Variants in MCM10 observed in about 807,000 individuals in gnomAD.
MCM10 encodes minichromosome maintenance 10 replication initiation factor.
In MCM10, 91 loss-of-function variants were observed where a neutral mutation model predicts 109.9. That is an observed-to-expected ratio of 0.83 (90% CI 0.70 to 0.99). The LOEUF is 0.99. MCM10 is among the 50% of genes least tolerant of loss of function. The probability of loss-of-function intolerance (pLI) is 0.00; values close to 1 mark genes in which losing one functional copy is unlikely to be tolerated. For synonymous variants in MCM10, 380 were observed against 387.2 expected, an observed-to-expected ratio of 0.98 and a Z score of 0.22; for missense variants, 1,077 against 1,061.2, an observed-to-expected ratio of 1.01 and a Z score of -0.21.
At chr10:13,175,171 C>T (rs556901393) in intron 5 of MCM10, among the ~76,000 whole-genome samples, 6 of 151,406 alleles carry the variant, frequency 4.0e-5, no homozygotes, top group South Asian at 2.1e-4. Flanking sequence ...CAATGTCTCA[C>T]GCCTGTAATC....
In MCM10 at chr10:13,171,101, G is replaced by A. The variant is rs1834066022; in HGVS notation, c.187G>A (p.Glu63Lys). 1 of 1,614,224 alleles carries A rather than the reference G, an allele frequency of 6.2e-7. No homozygotes were observed. The highest frequency in any genetic ancestry group is 8.5e-7 in the Non-Finnish European group (1 of 1,180,040). ...ESYTEEADDG[E>K]TGETRDEKEN... ...TTATACAGAAGAGGCTGATGATGGA[G>A]AAACAGGAGAGACAAGAGACGAAAA... The change falls in exon 3 of 20, where the codon GAA becomes AAA. Residue 63 changes from glutamate (E) to lysine (K), a missense_variant. Transcript: ENST00000378714.
chr10:13,180,286 A>G (rs1834193570), intron 6 of MCM10, among the ~76,000 whole-genome samples, 156 bp from the exon 7 acceptor site: 1 of 151,850 alleles, frequency 6.6e-6, no homozygotes, highest in Non-Finnish European at 1.5e-5. Context: ...TTTATTTGCT[A>G]TAAAAATGGA....
At chr10:13,204,582 A>G (rs1588480786) in intron 18 of MCM10, 1 of 498,454 alleles carries the variant, frequency 2.0e-6, no homozygotes, top group East Asian at 3.2e-5. Flanking sequence ...TGCCTGGCCC[A>G]TAAGGGGTCC....
In MCM10 at chr10:13,170,931, A is replaced by G; in HGVS notation, c.17A>G (p.Asp6Gly). The part of the protein sequence containing the change: MDEEE[D>G]NLSLLTALLE... ...TCTTCTTTTCCCCTAGAGGAGGAAGACAATCTGTCTCTGCTGACCGCACTG... is the reference window on the plus strand; with the variant it reads ...TCTTCTTTTCCCCTAGAGGAGGAAGGCAATCTGTCTCTGCTGACCGCACTG... The change falls in exon 3 of 20, where the codon GAC becomes GGC. Residue 6 changes from aspartate to glycine, a missense_variant. Transcript: ENST00000378714. The G allele has an allele frequency of 3.1e-6, 5 of 1,612,440 alleles. No homozygotes were observed. In the South Asian group the frequency reaches 5.5e-5, roughly 18 times the overall value.
At chr10:13,171,736 G>C (rs1412398406) in intron 3 of MCM10, among the ~76,000 whole-genome samples, 1 of 151,684 alleles carries the variant, frequency 6.6e-6, no homozygotes, top group African/African-American at 2.4e-5. Context: ...TATTATATTA[G>C]TTATGATATC....
chr10:13,194,993 T>A, intron 13 of MCM10, 48 bp from the exon 14 acceptor site: 2 of 1,564,246 alleles, frequency 1.3e-6, no homozygotes, highest in Middle Eastern at 1.7e-4. Context: ...CTAGAGTTTT[T>A]ATTTTCGTAA....
At chr10:13,192,843 G>T (rs1174381235) in intron 13 of MCM10, among the ~76,000 whole-genome samples, 4 of 152,032 alleles carry the variant, frequency 2.6e-5, no homozygotes, top group Non-Finnish European at 5.9e-5. Context: ...TTTTGTGAAG[G>T]GGGAGAGCGT....
intron 16 of MCM10, among the ~76,000 whole-genome samples, chr10:13,199,219 A>G (rs184403696): frequency 4.6e-5 from 7 of 152,368 alleles, no homozygotes; most frequent in Admixed American, 2.6e-4. Flanking sequence ...TGTTTTTTAC[A>G]TAAATCTAAA....
At chr10:13,197,121 C>T (rs1395085814) in intron 14 of MCM10, among the ~76,000 whole-genome samples, 1 of 152,054 alleles carries the variant, frequency 6.6e-6, no homozygotes, top group South Asian at 2.1e-4. Flanking sequence ...TGAAGTCTCA[C>T]TGTGTTGCTC....
At position 13,172,841 on chromosome 10, in the gene MCM10, G is replaced by A. The variant is rs1466609308; in HGVS notation, c.592+76G>A. ...GTGTGGGGGTGTTCATGTGTGTGTG[G>A]GTGTCTGTGTCTTTTGGTCTGTCTT... On this transcript the variant is annotated intron_variant, in intron 5 of 19. Coordinates refer to ENST00000378714, the MANE Select transcript of MCM10 (RefSeq NM_018518.5). This position sits in a 1 kb window ranked among gnomAD's most constrained non-coding sequence, Gnocchi z 5.2. 2 of 1,433,384 alleles carry A rather than the reference G, an allele frequency of 1.4e-6. No homozygotes were observed. Among genetic ancestry groups the A allele is most frequent in the East Asian group, 4.6e-5 (2 of 43,712 alleles). 88.8% of individuals were successfully genotyped at this position (1,433,384 alleles called of 1,614,324 possible).
intron 5 of MCM10, among the ~76,000 whole-genome samples, chr10:13,174,779 CT>C (rs1415147324): frequency 6.6e-6 from 1 of 152,192 alleles, no homozygotes; most frequent in East Asian, 1.9e-4. Flanking sequence ...AAGAAATGGT[CT>C]TGTGGGGCAT....
At chr10:13,187,317 C>T (rs1270704042) in intron 9 of MCM10, among the ~76,000 whole-genome samples, 1 of 152,210 alleles carries the variant, frequency 6.6e-6, no homozygotes, top group African/African-American at 2.4e-5. Context: ...CACTTTATTC[C>T]TTTTTGTGGG....
chr10:13,201,437 A>G lies in MCM10; in HGVS notation c.2255A>G (p.Gln752Arg). 6.2e-7 allele frequency: 1 copy of G among 1,612,526 alleles called. No individual in the cohort carries two copies. Among genetic ancestry groups the G allele is most frequent in the Non-Finnish European group, 8.5e-7 (1 of 1,179,150 alleles). The change falls in exon 17 of 20, where the codon CAG becomes CGG. Residue 752 changes from glutamine to arginine, a missense_variant. Gln to Arg is a conservative substitution (Grantham distance 43). Coordinates refer to ENST00000378714, the MANE Select transcript of MCM10 (RefSeq NM_018518.5). ...TCATTCCAGGCCGAGGCTGAGATGC[A>G]GGAGCGCTACTTTGAGCCACTGGTG... ...GILKEAEAEMQERYFEPLVKK... is the reference protein window; with the variant it reads ...GILKEAEAEMRERYFEPLVKK...
chr10:13,187,895 T>G (rs1314029657), intron 9 of MCM10, among the ~76,000 whole-genome samples: 1 of 152,050 alleles, frequency 6.6e-6, no homozygotes, highest in Non-Finnish European at 1.5e-5. Context: ...TTGTAATCCC[T>G]GCACTTTGGG....
chr10:13,209,581 CA>C lies in MCM10; in HGVS notation c.*276del. 1 of 486,050 alleles carries C rather than the reference CA, an allele frequency of 2.1e-6. No homozygotes were observed. 30.1% of individuals were successfully genotyped at this position (486,050 alleles called of 1,614,324 possible). On this transcript the variant is annotated 3_prime_UTR_variant, in exon 20 of 20. Transcript: ENST00000378714. ...TACTTCATTCACTGAAGTTTTTGCCCAAAAATTGGAAGGTAAACAGAGAGCT... is the reference window on the plus strand; with the variant it reads ...TACTTCATTCACTGAAGTTTTTGCCCAAAATTGGAAGGTAAACAGAGAGCT...
rs41291311 is a variant in MCM10, at chr10:13,198,791, C to T, written c.2222C>T (p.Thr741Ile). The change falls in exon 16 of 20, where the codon ACA becomes ATA. Residue 741 changes from threonine to isoleucine, a missense_variant. Thr to Ile is a moderately conservative substitution (Grantham distance 89). Coordinates refer to ENST00000378714, the MANE Select transcript of MCM10 (RefSeq NM_018518.5). ...ATCCTAAAAGCAAAATCAAAACACA[C>T]AGGCATCCTGAAAGAGGTAAGAGCC... ...QKILKAKSKH[T>I]GILKEAEAEM... The T allele has an allele frequency of 3.1e-6, 5 of 1,611,774 alleles. No homozygotes were observed. The Middle Eastern group carries it at 6.6e-4, about 213-fold the overall frequency.
chr10:13,182,767 G>C lies in MCM10; in HGVS notation c.931-166G>C, dbSNP rs1222931100. Among the ~76,000 whole-genome samples, 6 of 152,016 alleles carry C rather than the reference G, an allele frequency of 3.9e-5. No individual in the cohort carries two copies. Among genetic ancestry groups the C allele is most frequent in the Non-Finnish European group, 5.9e-5 (4 of 68,006 alleles). ...ATAGAATGCAAAAGCCTAGAGAATGGGTTAAAGTTATCACACATGCTGATG... is the reference window on the plus strand; with the variant it reads ...ATAGAATGCAAAAGCCTAGAGAATGCGTTAAAGTTATCACACATGCTGATG... On this transcript the variant is annotated intron_variant, in intron 7 of 19. Coordinates refer to ENST00000378714, the MANE Select transcript of MCM10 (RefSeq NM_018518.5). This position sits in a 1 kb window ranked among gnomAD's most constrained non-coding sequence, Gnocchi z 4.2.
chr10:13,206,091 T>G (rs34330455), intron 18 of MCM10, among the ~76,000 whole-genome samples: 18,740 of 152,244 alleles, frequency 0.12, 1,461 homozygotes, highest in Middle Eastern at 0.21. Context: ...ATGGTTGCTG[T>G]GATCCTCTTG....
At chr10:13,205,760 A>T (rs1316780084) in intron 18 of MCM10, among the ~76,000 whole-genome samples, 2 of 152,092 alleles carry the variant, frequency 1.3e-5, no homozygotes, top group Admixed American at 1.3e-4. Context: ...GTTTTTCCGA[A>T]TACTTTGGAC....
Sources: gnomAD v4.1 joint callset for allele counts (sites outside exome capture counted in the v4.1 genomes callset) on GRCh38, gnomAD v4.1.1 for gene constraint, Gnocchi (gnomAD v3.1) non-coding constraint, MANE v1.5 for transcripts, NCBI Gene and HGNC (gene_info 2026-07-23, HGNC 2026-07-21) for gene names.